KCNQ1: variants seen among roughly 807,000 people sequenced by gnomAD.
The protein encoded by KCNQ1 is potassium voltage-gated channel subfamily KQT member 1.
A neutral mutation model predicts 72.4 loss-of-function variants in KCNQ1; 49 were observed. That is an observed-to-expected ratio of 0.68 (90% CI 0.54 to 0.86). The LOEUF (loss-of-function observed/expected upper bound fraction) is 0.86, where lower values mean the gene tolerates loss of function less well. Among genes scored for constraint, KCNQ1 ranks in the 40% least tolerant of loss-of-function variants. KCNQ1 has a pLI of 0.00. For missense variants in KCNQ1, 790 were observed against 945.1 expected (o/e 0.84, Z 2.15); for synonymous variants, 450 against 412.6 (o/e 1.09, Z -1.10).
chr11:2,556,436 G>A (rs1314179777), intron 2 of KCNQ1, among the ~76,000 whole-genome samples: 1 of 152,146 alleles, frequency 6.6e-6, no homozygotes, highest in Non-Finnish European at 1.5e-5. Flanking sequence ...CTACAAACCT[G>A]GCTGCTGATC....
At chr11:2,584,640 AGT>A (rs1210123058) in intron 7 of KCNQ1, among the ~76,000 whole-genome samples, 1 of 113,120 alleles carries the variant, frequency 8.8e-6, no homozygotes, top group South Asian at 2.9e-4. Context: ...TTTGTGTGTT[AGT>A]GTGTTTTTGT....
chr11:2,571,888 C>T, intron 4 of KCNQ1, 125 bp from the exon 5 acceptor site: 1 of 768,858 alleles, frequency 1.3e-6, no homozygotes, highest in Non-Finnish European at 2.2e-6. Context: ...CCCAGCCTCC[C>T]CACCCAGAGT....
intron 1 of KCNQ1, among the ~76,000 whole-genome samples, chr11:2,490,678 G>GC (rs1294057527): frequency 6.6e-6 from 1 of 152,176 alleles, no homozygotes; most frequent in African/African-American, 2.4e-5. Flanking sequence ...GACCACCAAG[G>GC]CAGTATTTTT....
intron 15 of KCNQ1, among the ~76,000 whole-genome samples, chr11:2,836,420 A>G (rs1031085854): frequency 6.6e-6 from 1 of 152,160 alleles, no homozygotes; most frequent in Non-Finnish European, 1.5e-5. Flanking sequence ...CAGGAGGTAG[A>G]GGGTGAGGCC....
In KCNQ1 at chr11:2,623,227, T is replaced by G; in HGVS notation, c.1393+34373T>G. 1 of 398,828 alleles carries G rather than the reference T, an allele frequency of 2.5e-6. No homozygotes were observed. Among genetic ancestry groups the G allele is most frequent in the Non-Finnish European group, 4.4e-6 (1 of 226,198 alleles). 24.7% of individuals were successfully genotyped at this position (398,828 alleles called of 1,614,324 possible). A position where few individuals can be genotyped will look rare whatever the true frequency, so the allele number is the denominator to read the frequency against. ...GTTTCTGAGGCCTGCCAGCCATGCT[T>G]ACTGTACAGCCTACAAAACTGTGAG... On this transcript the variant is annotated intron_variant, in intron 10 of 15. Transcript: ENST00000155840. This position sits in a 1 kb window ranked among gnomAD's most constrained non-coding sequence, Gnocchi z 5.2.
rs542129721 is a variant in KCNQ1 at position 2,677,172 on chromosome 11, C to A, written c.1514+15091C>A. On this transcript the variant is annotated intron_variant, in intron 11 of 15. Transcript: ENST00000155840. The surrounding 1 kb of genome is among the most constrained non-coding windows in gnomAD (Gnocchi z 4.5). ...GTTGTTTCTCCCTATCCATCTTATC[C>A]CTACTTGTATCTCTGCTGACTGACC... 12 of 398,454 alleles carry A rather than the reference C, an allele frequency of 3.0e-5. No individual in the cohort carries two copies. The highest frequency in any genetic ancestry group is 5.3e-5 in the Non-Finnish European group (12 of 226,074). The allele number at this position is 398,454 out of a possible 1,614,324, so 24.7% of individuals were successfully genotyped here.
intron 15 of KCNQ1, among the ~76,000 whole-genome samples, chr11:2,822,562 C>CA (rs1847759339): frequency 6.6e-6 from 1 of 152,196 alleles, no homozygotes; most frequent in East Asian, 1.9e-4. Flanking sequence ...CAAGGAAGCT[C>CA]CCTGTGAGCC....
intron 15 of KCNQ1, among the ~76,000 whole-genome samples, chr11:2,778,457 G>A (rs233434): frequency 0.14 from 22,009 of 152,270 alleles, 1,981 homozygotes; most frequent in Middle Eastern, 0.2. Context: ...ACTTGGGGCC[G>A]GCCGAGGGCT....
In KCNQ1 at chr11:2,735,653, G is replaced by C. The variant is rs1454534922; in HGVS notation, c.1515-33191G>C. 1.3e-5 allele frequency among the ~76,000 whole-genome samples: 2 copies of C among 151,992 alleles called. No individual in the cohort carries two copies. The highest frequency in any genetic ancestry group is 2.9e-5 in the Non-Finnish European group (2 of 68,002). On this transcript the variant is annotated intron_variant, in intron 11 of 15. Transcript: ENST00000155840. This position sits in a 1 kb window ranked among gnomAD's most constrained non-coding sequence, Gnocchi z 7.7. ...CCGCTGTCACCACCAAGACCACAGT[G>C]GGGCAGTTTAAACAGCAGGCATTCA...
In KCNQ1 at chr11:2,537,519, C is replaced by A. The variant is rs1420345055; in HGVS notation, c.477+9501C>A. 1.7e-4 allele frequency among the ~76,000 whole-genome samples: 26 copies of A among 151,966 alleles called. No individual in the cohort carries two copies. The highest frequency in any genetic ancestry group is 1.7e-3 in the Admixed American group (26 of 15,272). ...CTACAGTGCCCAGGTTGGCGCAGGG[C>A]CTTTTGGTTCCACAGTCTGTGTCTT... On this transcript the variant is annotated intron_variant, in intron 2 of 15. Transcript: ENST00000155840. The surrounding 1 kb of genome is among the most constrained non-coding windows in gnomAD (Gnocchi z 5.2).
Position 2,723,135 on chromosome 11 carries a change from T to TGCCTTCCTCTTGGCTCC in KCNQ1, c.1515-45699_1515-45683dup, listed in dbSNP as rs1416154845. ...CAGGCTCCGCCTTCCTCTGTGGCTC[T>TGCCTTCCTCTTGGCTCC]GCCTTCCTCTTGGCTCCGCCTTCCT... On this transcript the variant is annotated intron_variant, in intron 11 of 15. Transcript: ENST00000155840. The surrounding 1 kb of genome is among the most constrained non-coding windows in gnomAD (Gnocchi z 4.2). Among the ~76,000 whole-genome samples, 1 of 152,228 alleles carries TGCCTTCCTCTTGGCTCC rather than the reference T, an allele frequency of 6.6e-6. No individual in the cohort carries two copies. The highest frequency in any genetic ancestry group is 2.4e-5 in the African/African-American group (1 of 41,458).
Position 2,471,734 on chromosome 11 carries a change from ATGTGTGCATGGGCG to A in KCNQ1, c.386+26257_386+26270del, listed in dbSNP as rs1846467672. Reference sequence around the variant, plus strand: ...TGTGTATGTGTGCATGGGCGTGTGTATGTGTGCATGGGCGTGTGTGTACTTGTGTATGGGTGTGT... The same window carrying A: ...TGTGTATGTGTGCATGGGCGTGTGTATGTGTGTACTTGTGTATGGGTGTGT... On this transcript the variant is annotated intron_variant, in intron 1 of 15. Transcript: ENST00000155840. This position sits in a 1 kb window ranked among gnomAD's most constrained non-coding sequence, Gnocchi z 4.8. Among the ~76,000 whole-genome samples, 1 of 143,110 alleles carries A rather than the reference ATGTGTGCATGGGCG, an allele frequency of 7.0e-6. No individual in the cohort carries two copies. The highest frequency in any genetic ancestry group is 2.8e-5 in the African/African-American group (1 of 36,052). 93.9% of individuals were successfully genotyped at this position (143,110 alleles called of 152,430 possible).
At position 2,536,924 on chromosome 11, in the gene KCNQ1, C is replaced by A. The variant is rs988040094; in HGVS notation, c.477+8906C>A. Among the ~76,000 whole-genome samples, 1 of 151,908 alleles carries A rather than the reference C, an allele frequency of 6.6e-6. No homozygotes were observed. On this transcript the variant is annotated intron_variant, in intron 2 of 15. Transcript: ENST00000155840. This position sits in a 1 kb window ranked among gnomAD's most constrained non-coding sequence, Gnocchi z 7.4. ...GTCTTCTAGATGTAGTACCCCAATC[C>A]CCCCCAGTCCCTCCCTTTACCTCAC...
chr11:2,779,584 C>T (rs1297171813), intron 15 of KCNQ1, among the ~76,000 whole-genome samples: 1 of 152,208 alleles, frequency 6.6e-6, no homozygotes, highest in South Asian at 2.1e-4. Flanking sequence ...CCCTGCCAAG[C>T]TCTGGTTCCA....
Position 2,674,142 on chromosome 11 carries a change from G to C in KCNQ1, c.1514+12061G>C. ...TGGTTTGCCGGGGCCACCCAGTGTG[G>C]GCTCAGGAAGGGAAGGAATGTGACC... is the stretch of plus-strand genomic sequence containing the variant. On this transcript the variant is annotated intron_variant, in intron 11 of 15. Transcript: ENST00000155840. The surrounding 1 kb of genome is among the most constrained non-coding windows in gnomAD (Gnocchi z 5.9). 1 of 398,710 alleles carries C rather than the reference G, an allele frequency of 2.5e-6. No individual in the cohort carries two copies. The highest frequency in any genetic ancestry group is 4.4e-6 in the Non-Finnish European group (1 of 226,164). 24.7% of individuals were successfully genotyped at this position (398,710 alleles called of 1,614,324 possible).
rs113744216 is a variant in KCNQ1, at chr11:2,620,211, A to T, written c.1393+31357A>T. 1,597 of 261,938 alleles carry T rather than the reference A, an allele frequency of 6.1e-3. 33 individuals carry two copies. The highest frequency in any genetic ancestry group is 0.054 in the South Asian group (273 of 5,080). 16.2% of individuals were successfully genotyped at this position (261,938 alleles called of 1,614,324 possible). On this transcript the variant is annotated intron_variant, in intron 10 of 15. Coordinates refer to ENST00000155840, the MANE Select transcript of KCNQ1 (RefSeq NM_000218.3). This position sits in a 1 kb window ranked among gnomAD's most constrained non-coding sequence, Gnocchi z 4.5. ...TAAGTTCATTCATGTATATATATAT[A>T]TTTTTTTTTTTTATTTTTTTTTTAG...
chr11:2,644,786 G>C (rs139384812), intron 10 of KCNQ1: 6 of 398,498 alleles, frequency 1.5e-5, no homozygotes, highest in African/African-American at 1.0e-4. Flanking sequence ...GCAGTAGTGT[G>C]ATCTCCATGG....
In KCNQ1 at chr11:2,566,046, G is replaced by A. The variant is rs972006076; in HGVS notation, c.478-4582G>A. Among the ~76,000 whole-genome samples the A allele has an allele frequency of 6.6e-5, 10 of 152,004 alleles. No homozygotes were observed. Among genetic ancestry groups the A allele is most frequent in the Admixed American group, 2.0e-4 (3 of 15,264 alleles). ...GGCGGCTGGTGGTGCTGACGGCTCT[G>A]TGAGGCCCAGGCCTGTCTTCCCCAC... On this transcript the variant is annotated intron_variant, in intron 2 of 15. Transcript: ENST00000155840. This position sits in a 1 kb window ranked among gnomAD's most constrained non-coding sequence, Gnocchi z 6.7.
In KCNQ1 at chr11:2,544,483, C is replaced by A. The variant is rs1257955034; in HGVS notation, c.477+16465C>A. 6.6e-6 allele frequency among the ~76,000 whole-genome samples: 1 copy of A among 151,418 alleles called. No individual in the cohort carries two copies. The highest frequency in any genetic ancestry group is 2.4e-5 in the African/African-American group (1 of 41,190). Reference sequence around the variant, plus strand: ...TTATAAGGGTTATATATCTCATATACATATGAGGTTATATACCACTTATTT... The same window carrying A: ...TTATAAGGGTTATATATCTCATATAAATATGAGGTTATATACCACTTATTT... On this transcript the variant is annotated intron_variant, in intron 2 of 15. Coordinates refer to ENST00000155840, the MANE Select transcript of KCNQ1 (RefSeq NM_000218.3). This position sits in a 1 kb window ranked among gnomAD's most constrained non-coding sequence, Gnocchi z 4.4.
Sources: gnomAD v4.1 joint callset for allele counts (sites outside exome capture counted in the v4.1 genomes callset) on GRCh38, gnomAD v4.1.1 for gene constraint, Gnocchi (gnomAD v3.1) non-coding constraint, MANE v1.5 for transcripts, NCBI Gene and HGNC (gene_info 2026-07-23, HGNC 2026-07-21) for gene names.